Variants in LSM3 observed in about 807,000 individuals in gnomAD.
LSM3 encodes LSM3 homolog, U6 small nuclear RNA and mRNA degradation associated.
A neutral mutation model predicts 15.4 loss-of-function variants in LSM3; 14 were observed. The ratio of observed to expected loss-of-function variants is 0.91; its 90% confidence interval spans 0.60 to 1.42. LSM3 has a LOEUF of 1.42. Ranked by LOEUF, LSM3 falls within the 40% of genes most tolerant of loss-of-function variation. The pLI, the probability that LSM3 is intolerant of heterozygous loss-of-function variation, is 0.00. For synonymous variants in LSM3, 46 were observed against 45.1 expected (o/e 1.02, Z -0.08); for missense variants, 88 against 127.9 (o/e 0.69, Z 1.50).
At chr3:14,193,428 T>G (rs1697159368) in intron 3 of LSM3, among the ~76,000 whole-genome samples, 1 of 152,242 alleles carries the variant, frequency 6.6e-6, no homozygotes, top group South Asian at 2.1e-4. Flanking sequence ...CAAATGTAGA[T>G]TTGTTCTTTT....
intron 3 of LSM3, among the ~76,000 whole-genome samples, chr3:14,190,070 C>T (rs1697124994): frequency 6.6e-6 from 1 of 152,158 alleles, no homozygotes; most frequent in African/African-American, 2.4e-5. Context: ...TTCCCCATTG[C>T]TTGTGTGCAT....
rs527650913 is a variant in LSM3, at chr3:14,199,879, T to C, written c.*1763T>C. Reference sequence around the variant, plus strand: ...TGGTGTGGGTGTGGTACCAAGGCCCTGGCTCTGGGCAGTCTGTTGGCTCCT... The same window carrying C: ...TGGTGTGGGTGTGGTACCAAGGCCCCGGCTCTGGGCAGTCTGTTGGCTCCT... On this transcript the variant is annotated 3_prime_UTR_variant, in exon 4 of 4. Transcript: ENST00000306024. 1 of 152,540 alleles carries C rather than the reference T, an allele frequency of 6.6e-6. No homozygotes were observed. Among genetic ancestry groups the C allele is most frequent in the African/African-American group, 2.4e-5 (1 of 41,576 alleles). The allele number at this position is 152,540 out of a possible 1,614,324, so 9.4% of individuals were successfully genotyped here. A position where few individuals can be genotyped will look rare whatever the true frequency, so the allele number is the denominator to read the frequency against.
chr3:14,190,918 C>T (rs772614206), intron 3 of LSM3, among the ~76,000 whole-genome samples: 15 of 152,006 alleles, frequency 9.9e-5, no homozygotes, highest in African/African-American at 1.7e-4. Flanking sequence ...ATATTGGCTG[C>T]GGGTTTGTCA....
chr3:14,184,053 C>A (rs1328385192), intron 3 of LSM3, 21 bp downstream of exon 3: 19 of 1,592,560 alleles, frequency 1.2e-5, no homozygotes, highest in Non-Finnish European at 1.4e-5. Flanking sequence ...CAATTCTATT[C>A]ATTGCTTTGC....
At chr3:14,195,883 C>T (rs950950527) in intron 3 of LSM3, among the ~76,000 whole-genome samples, 2 of 151,974 alleles carry the variant, frequency 1.3e-5, no homozygotes, top group African/African-American at 4.8e-5. Flanking sequence ...TGCCACTGCC[C>T]AGCTGGCATG....
rs375866206 is a variant in LSM3, at chr3:14,195,142, C to T, written c.229-2894C>T. Among the ~76,000 whole-genome samples the T allele has an allele frequency of 6.9e-4, 105 of 152,312 alleles. 1 individual carries two copies. The South Asian group carries it at 0.02, about 29-fold the overall frequency. On this transcript the variant is annotated intron_variant, in intron 3 of 3. Transcript: ENST00000306024. ...CAGGAACCCAGACTCCTTGTGTCTT[C>T]TGGCTCCACCAACCCCTAAGTCTTT... is the stretch of plus-strand genomic sequence containing the variant.
rs1436714313 is a variant in LSM3, at chr3:14,180,820, C to CTTTTTTTTTTTTTTTTT, written c.22-740_22-739insTTTTTTTTTTTTTTTTT. Among the ~76,000 whole-genome samples, 2 of 51,398 alleles carry CTTTTTTTTTTTTTTTTT rather than the reference C, an allele frequency of 3.9e-5. 1 individual carries two copies. Among genetic ancestry groups the CTTTTTTTTTTTTTTTTT allele is most frequent in the Non-Finnish European group, 7.3e-5 (2 of 27,334 alleles). 33.7% of individuals were successfully genotyped at this position (51,398 alleles called of 152,430 possible). On this transcript the variant is annotated intron_variant, in intron 1 of 3. Coordinates refer to ENST00000306024, the MANE Select transcript of LSM3 (RefSeq NM_014463.3). The stretch of plus-strand genomic sequence containing the variant: ...TGACTCCAAAGCCAGTGCTTGCTTG[C>CTTTTTTTTTTTTTTTTT]CTTTTTTTTTTTTTTTTTTTTTTTT...
chr3:14,182,255 T>C (rs1697046544), intron 2 of LSM3, among the ~76,000 whole-genome samples: 1 of 152,134 alleles, frequency 6.6e-6, no homozygotes. Flanking sequence ...TATACACTCA[T>C]ATATGTACAT....
At position 14,200,748 on chromosome 3, in the gene LSM3, T is replaced by A. The variant is rs931890649; in HGVS notation, c.*2632T>A. 6.6e-6 allele frequency: 1 copy of A among 152,202 alleles called. No homozygotes were observed. Among genetic ancestry groups the A allele is most frequent in the Non-Finnish European group, 1.5e-5 (1 of 68,040 alleles). The allele number at this position is 152,202 out of a possible 1,614,324, so 9.4% of individuals were successfully genotyped here. The stretch of plus-strand genomic sequence containing the variant: ...AGCTGCAAATGGACGATTTTCAAAT[T>A]TCAAATAGTGATTTTTGAAGATTTG... On this transcript the variant is annotated 3_prime_UTR_variant, in exon 4 of 4. Transcript: ENST00000306024.
intron 3 of LSM3, among the ~76,000 whole-genome samples, chr3:14,193,508 G>A (rs1273701715): frequency 2.0e-5 from 3 of 152,040 alleles, no homozygotes; most frequent in African/African-American, 4.8e-5. Context: ...CTTGTCTTCT[G>A]TCTTTATTTC....
At chr3:14,188,176 G>A (rs971034687) in intron 3 of LSM3, among the ~76,000 whole-genome samples, 18 of 152,132 alleles carry the variant, frequency 1.2e-4, no homozygotes, top group Non-Finnish European at 1.8e-4. Context: ...GCCACATGTG[G>A]CTATTTGGCA....
chr3:14,181,193 T>A (rs748264236), intron 1 of LSM3, among the ~76,000 whole-genome samples: 50 of 152,294 alleles, frequency 3.3e-4, no homozygotes, highest in Admixed American at 9.2e-4. Flanking sequence ...TTCCAATGAT[T>A]ACATAATATT....
At chr3:14,183,211 A>G (rs1697056220) in intron 2 of LSM3, among the ~76,000 whole-genome samples, 1 of 152,226 alleles carries the variant, frequency 6.6e-6, no homozygotes, top group Admixed American at 6.5e-5. Context: ...CATGGCTGAC[A>G]AGTGACTTTT....
intron 3 of LSM3, among the ~76,000 whole-genome samples, chr3:14,188,531 C>T (rs1188317986): frequency 6.6e-6 from 1 of 152,198 alleles, no homozygotes; most frequent in Non-Finnish European, 1.5e-5. Context: ...TCTTTACACC[C>T]CACCCCCAGA....
rs148267839 is a variant in LSM3, at chr3:14,191,523, G to T, written c.229-6513G>T. ...GGCTTAGACTTGGGAGGGTGTATGT[G>T]TCCAGGAATTTATCCATTTCTTCTA... On this transcript the variant is annotated intron_variant, in intron 3 of 3. Transcript: ENST00000306024. Among the ~76,000 whole-genome samples, 321 of 152,318 alleles carry T rather than the reference G, an allele frequency of 2.1e-3. 2 individuals carry two copies. Among genetic ancestry groups the T allele is most frequent in the African/African-American group, 7.4e-3 (308 of 41,572 alleles).
At chr3:14,193,027 C>T (rs936081412) in intron 3 of LSM3, among the ~76,000 whole-genome samples, 3 of 152,114 alleles carry the variant, frequency 2.0e-5, no homozygotes, top group Admixed American at 6.6e-5. Flanking sequence ...ATTTATCCTT[C>T]GCTTATGAAG....
At position 14,192,474 on chromosome 3, in the gene LSM3, G is replaced by T. The variant is rs185297210; in HGVS notation, c.229-5562G>T. The stretch of plus-strand genomic sequence containing the variant: ...ATGAATCTGGATGCTCCTGTATTGG[G>T]TGCATATATATTTAGGATAGTTAGC... On this transcript the variant is annotated intron_variant, in intron 3 of 3. Transcript: ENST00000306024. Among the ~76,000 whole-genome samples, 253 of 152,278 alleles carry T rather than the reference G, an allele frequency of 1.7e-3. 1 individual carries two copies. The highest frequency in any genetic ancestry group is 4.7e-3 in the African/African-American group (197 of 41,548).
At chr3:14,180,975 T>TG (rs1208932709) in intron 1 of LSM3, among the ~76,000 whole-genome samples, 1 of 151,180 alleles carries the variant, frequency 6.6e-6, no homozygotes, top group Non-Finnish European at 1.5e-5. Flanking sequence ...CCTCAGCCCT[T>TG]GGAGTAGCTG....
At chr3:14,194,899 G>T (rs1173842452) in intron 3 of LSM3, among the ~76,000 whole-genome samples, 2 of 149,808 alleles carry the variant, frequency 1.3e-5, no homozygotes, top group Non-Finnish European at 2.9e-5. Flanking sequence ...TCCTGCCTGG[G>T]TGTTATGACC....
Sources: allele counts gnomAD v4.1 joint callset (sites outside exome capture counted in the v4.1 genomes callset), GRCh38; gene constraint gnomAD v4.1.1; transcripts MANE v1.5; gene names NCBI Gene and HGNC (gene_info 2026-07-23, HGNC 2026-07-21).